The following CSMD1 variants were observed in gnomAD, a reference collection of about 807,000 sequenced individuals.
The protein encoded by CSMD1 is CUB and Sushi multiple domains 1.
Under a neutral mutation model 417.5 loss-of-function variants are expected in CSMD1, and 213 were observed. That is an observed-to-expected ratio of 0.51 (90% confidence interval 0.46 to 0.57). The LOEUF is 0.57. Among genes scored for constraint, CSMD1 ranks in the 20% least tolerant of loss-of-function variants. The pLI, the probability that CSMD1 is intolerant of heterozygous loss-of-function variation, is 0.00. For missense variants in CSMD1, 6,923 were observed against 4,529.7 expected (o/e 1.53, Z -15.17); for synonymous variants, 2,862 against 1,736.8 (o/e 1.65, Z -16.11).
intron 2 of CSMD1, among the ~76,000 whole-genome samples, chr8:4,600,789 G>A (rs1800539385): frequency 6.6e-6 from 1 of 152,084 alleles, no homozygotes; most frequent in Non-Finnish European, 1.5e-5. Context: ...AGTAACTTCA[G>A]ACGTAAGAAA....
At chr8:3,413,165 T>A (rs542923557) in intron 12 of CSMD1, among the ~76,000 whole-genome samples, 2 of 152,216 alleles carry the variant, frequency 1.3e-5, no homozygotes, top group African/African-American at 4.8e-5. Context: ...AATACAATTA[T>A]TACTATGATT....
chr8:3,811,728 A>G (rs889875152), intron 5 of CSMD1, among the ~76,000 whole-genome samples: 5 of 152,136 alleles, frequency 3.3e-5, no homozygotes, highest in Non-Finnish European at 7.3e-5. Context: ...AGCGGATTTC[A>G]CAATGCGGCG....
At chr8:4,075,338 G>A (rs778741490) in intron 3 of CSMD1, among the ~76,000 whole-genome samples, 1 of 152,028 alleles carries the variant, frequency 6.6e-6, no homozygotes, top group Non-Finnish European at 1.5e-5. Flanking sequence ...AGAGAATATA[G>A]AGCTCTCTAA....
At chr8:3,512,567 C>A (rs1262462325) in intron 10 of CSMD1, among the ~76,000 whole-genome samples, 2 of 151,780 alleles carry the variant, frequency 1.3e-5, no homozygotes, top group East Asian at 3.9e-4. Context: ...GAGAAATGAA[C>A]CCTCTCCTCC....
At chr8:3,529,028 G>C (rs1023385946) in intron 10 of CSMD1, among the ~76,000 whole-genome samples, 13 of 152,140 alleles carry the variant, frequency 8.5e-5, no homozygotes, top group African/African-American at 1.2e-4. Context: ...AATCTCAACA[G>C]AGCTTTCGAA....
chr8:4,423,010 A>G (rs1797336766), intron 2 of CSMD1, among the ~76,000 whole-genome samples: 1 of 152,060 alleles, frequency 6.6e-6, no homozygotes, highest in Non-Finnish European at 1.5e-5. Flanking sequence ...GTAACATATG[A>G]TTGGAAGGAA....
At chr8:3,468,670 G>C (rs1172132912) in intron 12 of CSMD1, 42 bp downstream of exon 12, 2 of 1,296,906 alleles carry the variant, frequency 1.5e-6, no homozygotes, top group Non-Finnish European at 2.2e-6. Flanking sequence ...CCCTCTCTTG[G>C]AATGCTAACT....
chr8:3,761,202 C>T (rs114537667), intron 5 of CSMD1, among the ~76,000 whole-genome samples: 4 of 152,062 alleles, frequency 2.6e-5, no homozygotes, highest in African/African-American at 4.8e-5. Flanking sequence ...ACAATGAACT[C>T]TCATATTGCA....
At chr8:4,727,996 A>T (rs1315138503) in intron 1 of CSMD1, among the ~76,000 whole-genome samples, 2 of 144,514 alleles carry the variant, frequency 1.4e-5, no homozygotes, top group Non-Finnish European at 3.1e-5. Flanking sequence ...TACAAAATAT[A>T]TATTTATATA....
intron 10 of CSMD1, among the ~76,000 whole-genome samples, chr8:3,510,682 C>T (rs1014820583): frequency 3.2e-5 from 1 of 31,088 alleles, no homozygotes; most frequent in Admixed American, 3.1e-4. Flanking sequence ...GGCAGGATTA[C>T]TTTTTAATGA....
intron 5 of CSMD1, among the ~76,000 whole-genome samples, chr8:3,972,437 G>C (rs1243765663): frequency 6.6e-6 from 1 of 152,032 alleles, no homozygotes; most frequent in Non-Finnish European, 1.5e-5. Context: ...GTAACTTTAG[G>C]TCTTTGTAAA....
rs564372138 is a variant in CSMD1 at position 3,780,895 on chromosome 8, G to C, written c.819-26853C>G. 2.0e-5 allele frequency among the ~76,000 whole-genome samples: 3 copies of C among 152,268 alleles called. No individual in the cohort carries two copies. In the East Asian group the frequency reaches 5.8e-4, roughly 29 times the overall value. The stretch of plus-strand genomic sequence containing the variant: ...ATTTGCAGAGTGTGGAAGGGGTTTA[G>C]GTAACACTGGAGAATTTAGGTAAGA... On this transcript the variant is annotated intron_variant, in intron 5 of 69. Coordinates refer to ENST00000635120, the MANE Select transcript of CSMD1 (RefSeq NM_033225.6).
chr8:3,210,160 C>T (rs1797520174), intron 30 of CSMD1, among the ~76,000 whole-genome samples: 2 of 152,122 alleles, frequency 1.3e-5, no homozygotes, highest in South Asian at 4.1e-4. Context: ...CTGAATAAAT[C>T]ACAGGCGCTG....
At chr8:4,762,625 T>C (rs942506302) in intron 1 of CSMD1, among the ~76,000 whole-genome samples, 4 of 152,120 alleles carry the variant, frequency 2.6e-5, no homozygotes, top group African/African-American at 9.7e-5. Context: ...GCCCCGCATT[T>C]GCATAGGACG....
Position 3,421,278 on chromosome 8 carries a change from A to T in CSMD1, c.1562-11673T>A, listed in dbSNP as rs557747569. Reference sequence around the variant, plus strand: ...AGACTGGATCCAGGGATTGGCCCTGAGTAGGTCCTCCACAAGGAAACAGTT... The same window carrying T: ...AGACTGGATCCAGGGATTGGCCCTGTGTAGGTCCTCCACAAGGAAACAGTT... On this transcript the variant is annotated intron_variant, in intron 12 of 69. Transcript: ENST00000635120. Among the ~76,000 whole-genome samples, 21 of 152,326 alleles carry T rather than the reference A, an allele frequency of 1.4e-4. No individual in the cohort carries two copies. In the South Asian group the frequency reaches 4.4e-3, roughly 32 times the overall value.
At chr8:3,716,489 G>T (rs998958036) in intron 6 of CSMD1, among the ~76,000 whole-genome samples, 2 of 152,130 alleles carry the variant, frequency 1.3e-5, no homozygotes, top group Non-Finnish European at 2.9e-5. Flanking sequence ...TGCTGCATTC[G>T]TAAACTGTAA....
rs555826739 is a variant in CSMD1, at chr8:4,217,015, C to G, written c.416-184916G>C. On this transcript the variant is annotated intron_variant, in intron 3 of 69. Coordinates refer to ENST00000635120, the MANE Select transcript of CSMD1 (RefSeq NM_033225.6). ...TTCTCTAACTAGAATTGTCTTGTGT[C>G]TCTTAAAGGATAAGTCTTTGATGCT... is the stretch of plus-strand genomic sequence containing the variant. 7.9e-5 allele frequency among the ~76,000 whole-genome samples: 12 copies of G among 152,268 alleles called. No homozygotes were observed. The South Asian group carries it at 1.7e-3, about 21-fold the overall frequency.
At chr8:4,677,973 C>A (rs1329262287) in intron 1 of CSMD1, among the ~76,000 whole-genome samples, 1 of 152,118 alleles carries the variant, frequency 6.6e-6, no homozygotes, top group South Asian at 2.1e-4. Flanking sequence ...ATAAAGCCTG[C>A]CTTCCATGGT....
chr8:4,533,310 C>T (rs1796933518), intron 2 of CSMD1, among the ~76,000 whole-genome samples: 2 of 152,178 alleles, frequency 1.3e-5, no homozygotes, highest in Admixed American at 1.3e-4. Flanking sequence ...GTTGTCATGA[C>T]ACAAAGCCAA....
Sources: gnomAD v4.1 joint callset for allele counts (sites outside exome capture counted in the v4.1 genomes callset) on GRCh38, gnomAD v4.1.1 for gene constraint, MANE v1.5 for transcripts, NCBI Gene and HGNC (gene_info 2026-07-23, HGNC 2026-07-21) for gene names.